The following RARB variants were observed in gnomAD, a reference collection of about 807,000 sequenced individuals.
The protein encoded by RARB is retinoic acid receptor beta.
RARB carries 17 observed loss-of-function variants against 51.9 expected under a neutral mutation model. The ratio of observed to expected loss-of-function variants is 0.33; its 90% CI spans 0.22 to 0.49. The LOEUF is 0.49. RARB is among the 20% of genes least tolerant of loss of function. The pLI is 0.99. For synonymous variants in RARB, 215 were observed against 195.4 expected (o/e 1.10, Z -0.84); for missense variants, 369 against 550.8 (o/e 0.67, Z 3.30).
chr3:25,490,792 G>A (rs535053392), intron 2 of RARB, among the ~76,000 whole-genome samples: 6 of 152,028 alleles, frequency 3.9e-5, no homozygotes, highest in South Asian at 2.1e-4. Flanking sequence ...ATAATAGATC[G>A]GTAACTATGG....
At chr3:25,477,855 G>A (rs1290266479) in intron 2 of RARB, among the ~76,000 whole-genome samples, 1 of 152,194 alleles carries the variant, frequency 6.6e-6, no homozygotes, top group Non-Finnish European at 1.5e-5. Flanking sequence ...GGGATGATTT[G>A]TCTTTGCTTC....
intron 5 of RARB, among the ~76,000 whole-genome samples, chr3:25,354,133 C>T (rs958941370): frequency 6.9e-6 from 1 of 144,932 alleles, no homozygotes; most frequent in African/African-American, 2.5e-5. Context: ...AGTTTCCTTT[C>T]CCAGAATTGT....
At chr3:25,350,388 T>G (rs1705526772) in intron 5 of RARB, among the ~76,000 whole-genome samples, 1 of 152,178 alleles carries the variant, frequency 6.6e-6, no homozygotes, top group Admixed American at 6.6e-5. Context: ...TGAACAATAG[T>G]GCTTCCCAAA....
At chr3:25,057,014 C>T (rs1476751236) in intron 2 of RARB, among the ~76,000 whole-genome samples, 1 of 152,178 alleles carries the variant, frequency 6.6e-6, no homozygotes, top group Non-Finnish European at 1.5e-5. Context: ...CATGGTGGCA[C>T]TCCCCAGTAT....
At chr3:25,244,420 A>G (rs1262185142) in intron 5 of RARB, among the ~76,000 whole-genome samples, 5 of 151,930 alleles carry the variant, frequency 3.3e-5, no homozygotes, top group African/African-American at 2.4e-5. Context: ...TCAATTTTAG[A>G]TCTTTCCCGC....
At chr3:25,149,764 A>C (rs114087498) in intron 4 of RARB, among the ~76,000 whole-genome samples, 1 of 152,194 alleles carries the variant, frequency 6.6e-6, no homozygotes, top group Non-Finnish European at 1.5e-5. Context: ...TCTTTGTTAA[A>C]TGAAGAAGGT....
intron 3 of RARB, among the ~76,000 whole-genome samples, chr3:25,502,321 T>C (rs781066334): frequency 1.3e-5 from 2 of 152,152 alleles, no homozygotes; most frequent in Non-Finnish European, 2.9e-5. Flanking sequence ...CTCTTAGATG[T>C]TGGAACTGGG....
At chr3:25,298,504 C>T (rs1199195778) in intron 5 of RARB, among the ~76,000 whole-genome samples, 3 of 152,270 alleles carry the variant, frequency 2.0e-5, no homozygotes, top group South Asian at 2.1e-4. Flanking sequence ...TGCCGACATT[C>T]CTTTAATTCA....
intron 2 of RARB, among the ~76,000 whole-genome samples, chr3:24,862,319 T>C (rs565279046): frequency 6.6e-6 from 1 of 152,332 alleles, no homozygotes; most frequent in South Asian, 2.1e-4. Flanking sequence ...GCGAATTATA[T>C]GATTTTTCAT....
chr3:25,470,771 CTGT>C (rs1443756326), intron 2 of RARB, among the ~76,000 whole-genome samples: 1 of 152,108 alleles, frequency 6.6e-6, no homozygotes. Flanking sequence ...TTTACATTTG[CTGT>C]TGTTCGCCTT....
intron 5 of RARB, among the ~76,000 whole-genome samples, chr3:25,349,394 G>A (rs1486809185): frequency 2.0e-5 from 3 of 152,200 alleles, no homozygotes; most frequent in South Asian, 4.1e-4. Flanking sequence ...AAATTCCAGG[G>A]TGGGTATTGT....
intron 5 of RARB, among the ~76,000 whole-genome samples, chr3:25,591,733 C>A (rs377736023): frequency 4.6e-5 from 7 of 152,118 alleles, no homozygotes; most frequent in Non-Finnish European, 7.4e-5. Flanking sequence ...GTTTTCCTCT[C>A]GGAGTTTTAA....
intron 3 of RARB, among the ~76,000 whole-genome samples, chr3:25,559,378 A>G (rs570578753): frequency 1.3e-5 from 2 of 152,258 alleles, no homozygotes; most frequent in East Asian, 3.9e-4. Flanking sequence ...AGGCTAAACT[A>G]TCAGCTTCCT....
chr3:24,857,926 C>G (rs1702665850), intron 1 of RARB, among the ~76,000 whole-genome samples: 1 of 152,128 alleles, frequency 6.6e-6, no homozygotes, highest in Non-Finnish European at 1.5e-5. Context: ...AAGTTCCTGT[C>G]TCCCCGCCCC....
At chr3:25,468,937 C>G (rs187215195) in intron 2 of RARB, among the ~76,000 whole-genome samples, 1 of 152,220 alleles carries the variant, frequency 6.6e-6, no homozygotes, top group Non-Finnish European at 1.5e-5. Context: ...GGCCCCAGGG[C>G]GAGGCCTGGC....
intron 2 of RARB, among the ~76,000 whole-genome samples, chr3:25,048,752 C>CTT (rs34598308): frequency 0.62 from 67,173 of 108,414 alleles, 21,687 homozygotes; most frequent in East Asian, 0.65. Flanking sequence ...ATTAAGCCCA[C>CTT]TTTTTTTTTT....
intron 1 of RARB, among the ~76,000 whole-genome samples, chr3:24,840,851 T>C (rs1254918115): frequency 6.6e-6 from 1 of 150,558 alleles, no homozygotes; most frequent in African/African-American, 2.4e-5. Context: ...TTACTGGACA[T>C]CTATCCTTTT....
At chr3:25,346,524 C>T (rs910719119) in intron 5 of RARB, among the ~76,000 whole-genome samples, 5 of 152,026 alleles carry the variant, frequency 3.3e-5, no homozygotes, top group Non-Finnish European at 5.9e-5. Context: ...TCCTGTATGT[C>T]TCAGATGAGC....
intron 5 of RARB, among the ~76,000 whole-genome samples, chr3:25,353,280 G>A (rs145925294): frequency 3.9e-4 from 59 of 152,222 alleles, no homozygotes; most frequent in South Asian, 1.2e-3. Flanking sequence ...AGTGGCACTC[G>A]TGGACAGAAC....
Sources: gnomAD v4.1 joint callset for allele counts (sites outside exome capture counted in the v4.1 genomes callset) on GRCh38, gnomAD v4.1.1 for gene constraint, MANE v1.5 for transcripts, NCBI Gene and HGNC (gene_info 2026-07-23, HGNC 2026-07-21) for gene names.